The following RUNX2 variants were observed in gnomAD, a reference collection of about 807,000 sequenced individuals.
RUNX2 encodes the protein runt-related transcription factor 2.
Under a neutral mutation model 51.7 loss-of-function variants are expected in RUNX2, and 10 were observed. The ratio of observed to expected loss-of-function variants is 0.19; its 90% CI spans 0.12 to 0.33. RUNX2 has a LOEUF of 0.33. RUNX2 is among the 10% of genes least tolerant of loss of function. The pLI, the probability that RUNX2 is intolerant of heterozygous loss-of-function variation, is 1.00. For synonymous variants in RUNX2, 276 were observed against 273.6 expected, an observed-to-expected ratio of 1.01 and a Z score of -0.09; for missense variants, 562 against 691.3, an observed-to-expected ratio of 0.81 and a Z score of 2.10.
chr6:45,445,276 A>G (rs560254536), intron 5 of RUNX2, among the ~76,000 whole-genome samples: 7 of 152,270 alleles, frequency 4.6e-5, no homozygotes, highest in Non-Finnish European at 7.4e-5. Flanking sequence ...CACCCGCCTC[A>G]GCTTCCCAAA....
rs539240851 is a variant in RUNX2 at position 45,415,322 on chromosome 6, A to G, written c.59-7271A>G. Among the ~76,000 whole-genome samples the G allele has an allele frequency of 5.0e-4, 76 of 152,354 alleles. 1 individual carries two copies. The highest frequency in any genetic ancestry group is 1.8e-3 in the African/African-American group (75 of 41,596). On this transcript the variant is annotated intron_variant, in intron 2 of 8. Transcript: ENST00000647337. ...AGGAATAACAGCATCCACTACCCTC[A>G]GGGCTGAAATACAGCAACAAAGTAA... is the stretch of plus-strand genomic sequence containing the variant.
At chr6:45,393,725 G>A (rs1004146635) in intron 2 of RUNX2, among the ~76,000 whole-genome samples, 11 of 152,094 alleles carry the variant, frequency 7.2e-5, no homozygotes, top group Non-Finnish European at 1.3e-4. Context: ...ACTGCACCCA[G>A]CCCGGTAAAG....
intron 2 of RUNX2, among the ~76,000 whole-genome samples, chr6:45,375,284 T>A (rs1032303994): frequency 6.6e-6 from 1 of 152,208 alleles, no homozygotes; most frequent in African/African-American, 2.4e-5. Context: ...CCAACAAGGC[T>A]AACAGTAGGG....
intron 6 of RUNX2, among the ~76,000 whole-genome samples, chr6:45,494,830 A>G (rs1156561290): frequency 1.3e-5 from 2 of 152,210 alleles, no homozygotes; most frequent in Non-Finnish European, 2.9e-5. Context: ...TTTGGGGCCT[A>G]TCACATGTAG....
intron 2 of RUNX2, among the ~76,000 whole-genome samples, chr6:45,367,235 T>C (rs777009569): frequency 6.6e-6 from 1 of 151,970 alleles, no homozygotes; most frequent in Non-Finnish European, 1.5e-5. Flanking sequence ...AAAACCACTA[T>C]ACCAAGAAGG....
chr6:45,409,321 G>A (rs1388443149), intron 2 of RUNX2, among the ~76,000 whole-genome samples: 2 of 152,124 alleles, frequency 1.3e-5, no homozygotes, highest in Admixed American at 1.3e-4. Context: ...ACACTGGGAA[G>A]CCTTTTTAAC....
chr6:45,522,447 AC>A (rs1476199750), intron 7 of RUNX2, among the ~76,000 whole-genome samples: 64 of 151,528 alleles, frequency 4.2e-4, no homozygotes, highest in African/African-American at 1.3e-3. Context: ...AAAAAAAACA[AC>A]AATCCCATTC....
intron 7 of RUNX2, among the ~76,000 whole-genome samples, chr6:45,540,167 G>T (rs939730233): frequency 7.9e-5 from 12 of 152,168 alleles, no homozygotes; most frequent in African/African-American, 2.2e-4. Context: ...TTGAAATAGG[G>T]CAGAGGACTC....
At chr6:45,337,366 A>C (rs900477889) in intron 2 of RUNX2, among the ~76,000 whole-genome samples, 24 of 151,804 alleles carry the variant, frequency 1.6e-4, no homozygotes, top group African/African-American at 5.3e-4. Flanking sequence ...GTGTATCTCC[A>C]GCATTCGAAG....
At chr6:45,527,321 C>T (rs1476633133) in intron 7 of RUNX2, among the ~76,000 whole-genome samples, 1 of 152,134 alleles carries the variant, frequency 6.6e-6, no homozygotes, top group East Asian at 1.9e-4. Context: ...AGCCATTTGG[C>T]AGATTTTAAG....
chr6:45,507,373 C>T (rs1157272299), intron 6 of RUNX2, among the ~76,000 whole-genome samples: 4 of 152,158 alleles, frequency 2.6e-5, no homozygotes, highest in African/African-American at 9.7e-5. Context: ...TGAAAAACAT[C>T]TATCACCTGT....
intron 5 of RUNX2, among the ~76,000 whole-genome samples, chr6:45,476,018 C>G (rs1386050922): frequency 6.6e-6 from 1 of 152,222 alleles, no homozygotes; most frequent in East Asian, 1.9e-4. Flanking sequence ...GTGGCTCAGA[C>G]TTTCTTTCTC....
intron 2 of RUNX2, among the ~76,000 whole-genome samples, chr6:45,374,417 C>T (rs1796495990): frequency 3.3e-5 from 5 of 152,116 alleles, no homozygotes; most frequent in Admixed American, 3.3e-4. Context: ...AAATGAGGAA[C>T]CCAGTATTCT....
chr6:45,487,206 G>T (rs1026217335), intron 5 of RUNX2, among the ~76,000 whole-genome samples: 3 of 152,100 alleles, frequency 2.0e-5, no homozygotes, highest in Non-Finnish European at 4.4e-5. Context: ...GATTTCCCCT[G>T]AATGACTGCT....
At chr6:45,415,029 T>A (rs187757226) in intron 2 of RUNX2, among the ~76,000 whole-genome samples, 34 of 152,234 alleles carry the variant, frequency 2.2e-4, no homozygotes, top group African/African-American at 7.0e-4. Flanking sequence ...AAGAGATAAA[T>A]CATTTAATAG....
chr6:45,354,300 T>A (rs955891325), intron 2 of RUNX2, among the ~76,000 whole-genome samples: 2 of 151,910 alleles, frequency 1.3e-5, no homozygotes, highest in African/African-American at 4.8e-5. Flanking sequence ...AATAAAAAGA[T>A]CTGATAACAT....
chr6:45,357,822 A>G (rs1340937189), intron 2 of RUNX2, among the ~76,000 whole-genome samples: 2 of 152,204 alleles, frequency 1.3e-5, no homozygotes, highest in African/African-American at 4.8e-5. Context: ...ATTCAATTAC[A>G]CATGCTGACA....
intron 2 of RUNX2, chr6:45,422,314 T>C: frequency 3.0e-6 from 1 of 336,088 alleles, no homozygotes; most frequent in Non-Finnish European, 5.4e-6. Context: ...CCACCCCGGG[T>C]GTTCCAAAGA....
At chr6:45,384,453 T>G (rs1247065451) in intron 2 of RUNX2, among the ~76,000 whole-genome samples, 4 of 151,870 alleles carry the variant, frequency 2.6e-5, no homozygotes, top group Non-Finnish European at 5.9e-5. Context: ...CCCAGCTAAT[T>G]TTTGTATTTT....
Sources: allele counts gnomAD v4.1 joint callset (sites outside exome capture counted in the v4.1 genomes callset), GRCh38; gene constraint gnomAD v4.1.1; transcripts MANE v1.5; gene names NCBI Gene and HGNC (gene_info 2026-07-23, HGNC 2026-07-21).